Variants in WWOX observed in about 807,000 individuals in gnomAD.
The protein encoded by WWOX is WW domain containing oxidoreductase, also known as WW domain-containing oxidoreductase.
Under a neutral mutation model 46.2 loss-of-function variants are expected in WWOX, and 69 were observed. That is an observed-to-expected ratio of 1.49 (90% CI 1.23 to 1.82). WWOX has a LOEUF of 1.82. Ranked by LOEUF, WWOX falls within the 40% of genes most tolerant of loss-of-function variation. The pLI, the probability that WWOX is intolerant of heterozygous loss-of-function variation, is 0.00. For missense variants in WWOX, 919 were observed against 542.6 expected, an observed-to-expected ratio of 1.69 and a Z score of -6.89; for synonymous variants, 359 against 202.6, an observed-to-expected ratio of 1.77 and a Z score of -6.56.
intron 5 of WWOX, among the ~76,000 whole-genome samples, chr16:78,381,859 G>A (rs1268106655): frequency 6.6e-6 from 1 of 151,884 alleles, no homozygotes; most frequent in Non-Finnish European, 1.5e-5. Flanking sequence ...TTACGGTGGT[G>A]GGATTTTTTT....
chr16:78,895,356 A>T (rs909040325), intron 8 of WWOX: 2 of 152,054 alleles, frequency 1.3e-5, no homozygotes, highest in Non-Finnish European at 2.9e-5. Flanking sequence ...CATTCCCAGT[A>T]CCCTAGAAAC....
intron 8 of WWOX, among the ~76,000 whole-genome samples, chr16:78,433,135 A>G (rs968356437): frequency 6.6e-6 from 1 of 152,214 alleles, no homozygotes; most frequent in Non-Finnish European, 1.5e-5. Flanking sequence ...AACAACAAAC[A>G]TTGGTGACTA....
intron 8 of WWOX, among the ~76,000 whole-genome samples, chr16:78,559,729 C>G (rs749865767): frequency 6.6e-6 from 1 of 152,158 alleles, no homozygotes; most frequent in Admixed American, 6.5e-5. Flanking sequence ...CAATAGCTTC[C>G]TGGTAGAAAG....
chr16:78,838,258 C>G (rs546598940), intron 8 of WWOX, among the ~76,000 whole-genome samples: 7 of 152,004 alleles, frequency 4.6e-5, no homozygotes, highest in African/African-American at 1.4e-4. Context: ...GGAAGCAAAG[C>G]GAGCGTCAAA....
intron 8 of WWOX, among the ~76,000 whole-genome samples, chr16:78,556,800 AC>A (rs1691686790): frequency 6.6e-6 from 1 of 151,430 alleles, no homozygotes; most frequent in South Asian, 2.1e-4. Flanking sequence ...ACTGCAAACT[AC>A]CCCCGCCCCC....
chr16:78,858,692 T>G (rs1041946653), intron 8 of WWOX, among the ~76,000 whole-genome samples: 1 of 152,004 alleles, frequency 6.6e-6, no homozygotes, highest in African/African-American at 2.4e-5. Flanking sequence ...TCCTTTTTAT[T>G]TTTTTGAGAT....
chr16:78,246,258 G>C (rs568832631), intron 5 of WWOX, among the ~76,000 whole-genome samples: 1 of 152,110 alleles, frequency 6.6e-6, no homozygotes, highest in Non-Finnish European at 1.5e-5. Flanking sequence ...ATCATGTACC[G>C]TGAAACCAAA....
intron 8 of WWOX, among the ~76,000 whole-genome samples, chr16:78,713,395 T>G (rs531071509): frequency 4.6e-5 from 7 of 151,946 alleles, no homozygotes; most frequent in African/African-American, 1.7e-4. Context: ...AGCTCCGTCT[T>G]GATGCTGTTA....
chr16:78,957,073 G>T (rs146046719), intron 8 of WWOX, among the ~76,000 whole-genome samples: 96 of 152,168 alleles, frequency 6.3e-4, no homozygotes, highest in African/African-American at 2.3e-3. Context: ...ATCATCCTTT[G>T]TGTCTAAGTG....
chr16:78,970,567 G>T (rs1476036357), intron 8 of WWOX, among the ~76,000 whole-genome samples: 1 of 152,214 alleles, frequency 6.6e-6, no homozygotes, highest in Non-Finnish European at 1.5e-5. Flanking sequence ...AAGTATGGAA[G>T]TGGAAGAGTA....
chr16:78,483,177 C>G (rs554955311), intron 8 of WWOX, among the ~76,000 whole-genome samples: 27 of 152,086 alleles, frequency 1.8e-4, no homozygotes, highest in Non-Finnish European at 2.6e-4. Context: ...AAAATGCACC[C>G]AAATGTAAAA....
rs138367916 is a variant in WWOX, at chr16:78,511,767, G to C, written c.1056+79015G>C. 2.9e-3 allele frequency among the ~76,000 whole-genome samples: 446 copies of C among 152,288 alleles called. 2 individuals carry two copies. Among genetic ancestry groups the C allele is most frequent in the African/African-American group, 9.9e-3 (413 of 41,576 alleles). On this transcript the variant is annotated intron_variant, in intron 8 of 8. Transcript: ENST00000566780. ...GGCAAATTGATTTCAGGTTCATCTT[G>C]AAATTTGTCCTCAGCTGGACTCGAT...
intron 8 of WWOX, among the ~76,000 whole-genome samples, chr16:78,995,054 C>G (rs1313525263): frequency 1.3e-5 from 2 of 150,458 alleles, no homozygotes; most frequent in African/African-American, 2.5e-5. Context: ...TTCCCAGTCC[C>G]CCTGGTAAAA....
At chr16:78,893,235 C>T (rs764660532) in intron 8 of WWOX, among the ~76,000 whole-genome samples, 5 of 151,914 alleles carry the variant, frequency 3.3e-5, no homozygotes, top group East Asian at 3.9e-4. Context: ...CCATCTTATG[C>T]CTGAAATAAG....
At chr16:78,721,571 G>T (rs2048691251) in intron 8 of WWOX, among the ~76,000 whole-genome samples, 1 of 152,142 alleles carries the variant, frequency 6.6e-6, no homozygotes, top group Non-Finnish European at 1.5e-5. Context: ...TAAGCCTAGG[G>T]CAGCCTGAAC....
chr16:78,790,496 G>A (rs914482603), intron 8 of WWOX, among the ~76,000 whole-genome samples: 4 of 152,112 alleles, frequency 2.6e-5, no homozygotes, highest in African/African-American at 7.2e-5. Context: ...AAGTCAGAAG[G>A]TCTACCTACA....
At chr16:78,771,364 A>G (rs1031305562) in intron 8 of WWOX, among the ~76,000 whole-genome samples, 1 of 152,188 alleles carries the variant, frequency 6.6e-6, no homozygotes, top group African/African-American at 2.4e-5. Flanking sequence ...CAACCTAAAT[A>G]TATGTTCAAA....
chr16:79,185,328 G>A (rs1410449297), intron 8 of WWOX, among the ~76,000 whole-genome samples: 5 of 152,118 alleles, frequency 3.3e-5, no homozygotes, highest in African/African-American at 7.2e-5. Context: ...CCCATCCTCC[G>A]CTTTGGTGGC....
intron 8 of WWOX, among the ~76,000 whole-genome samples, chr16:78,508,731 T>G (rs189781270): frequency 2.2e-4 from 33 of 152,252 alleles, no homozygotes; most frequent in Non-Finnish European, 2.9e-5. Flanking sequence ...AAGCAGAGCG[T>G]GAATGCCGGG....
Sources: allele counts gnomAD v4.1 joint callset (sites outside exome capture counted in the v4.1 genomes callset), GRCh38; gene constraint gnomAD v4.1.1; transcripts MANE v1.5; gene names NCBI Gene and HGNC (gene_info 2026-07-23, HGNC 2026-07-21).